SYTL5: variants seen among roughly 807,000 people sequenced by gnomAD.
SYTL5 encodes the protein synaptotagmin like 5.
Under a neutral mutation model 55.9 loss-of-function variants are expected in SYTL5, and 34 were observed. That is an observed-to-expected ratio of 0.61 (90% CI 0.46 to 0.81). The LOEUF (loss-of-function observed/expected upper bound fraction) is 0.81, where lower values mean the gene tolerates loss of function less well. SYTL5 is among the 30% of genes least tolerant of loss of function. SYTL5 has a pLI of 0.00. For missense variants in SYTL5, 637 were observed against 546.7 expected (o/e 1.17, Z -1.65); for synonymous variants, 221 against 188.7 (o/e 1.17, Z -1.40).
the SYTL5 span, among the ~76,000 whole-genome samples, chrX:37,958,854 T>C: frequency 8.9e-6 from 1 of 112,431 alleles, no homozygotes; most frequent in Non-Finnish European, 1.9e-5. Context: ...TAGCTGGTCT[T>C]AGCACGTCAA....
chrX:37,893,488 TATAG>T, the SYTL5 span, among the ~76,000 whole-genome samples: 5 of 93,910 alleles, frequency 5.3e-5, no homozygotes, highest in East Asian at 3.2e-4. Context: ...ATATATAATC[TATAG>T]ATAATCTATA....
chrX:38,075,075 C>T (rs1268977934), intron 5 of SYTL5, among the ~76,000 whole-genome samples: 2 of 111,492 alleles, frequency 1.8e-5, no homozygotes, highest in East Asian at 5.6e-4. Context: ...CCACAAATGC[C>T]TCTAGGAGTT....
intron 2 of SYTL5, among the ~76,000 whole-genome samples, chrX:38,036,238 G>A (rs144918243): frequency 0.034 from 3,819 of 111,041 alleles, 66 homozygotes; most frequent in Middle Eastern, 0.067. Context: ...CCCAGGAGGC[G>A]GAGCTTGCAG....
At position 38,074,409 on chromosome X, in the gene SYTL5, G is replaced by A. The variant is rs375213794; in HGVS notation, c.554+711G>A. Among the ~76,000 whole-genome samples, 6 of 111,407 alleles carry A rather than the reference G, an allele frequency of 5.4e-5. No homozygotes were observed. The East Asian group carries it at 1.7e-3, about 31-fold the overall frequency. On this transcript the variant is annotated intron_variant, in intron 5 of 16. Transcript: ENST00000297875. ...CTAATGTGCACCAAGTCATTTTATG[G>A]TCCTTTCTGTTTTTTTATTATTATT...
At chrX:37,965,898 T>A in the SYTL5 span, among the ~76,000 whole-genome samples, 1 of 112,645 alleles carries the variant, frequency 8.9e-6, no homozygotes, top group Admixed American at 9.4e-5. Flanking sequence ...TACTATTTTG[T>A]CTGATATAAG....
the SYTL5 span, among the ~76,000 whole-genome samples, chrX:37,891,405 T>C: frequency 1.8e-5 from 2 of 112,032 alleles, no homozygotes; most frequent in African/African-American, 6.5e-5. Context: ...ATTCGATATA[T>C]GTAAAATGTC....
intron 1 of SYTL5, among the ~76,000 whole-genome samples, chrX:38,032,585 A>ATCATGATC (rs1193961082): frequency 9.0e-6 from 1 of 111,693 alleles, no homozygotes; most frequent in Non-Finnish European, 1.9e-5. Context: ...ACCAGAGGTA[A>ATCATGATC]TCATGATCTT....
At chrX:37,919,843 A>G in the SYTL5 span, among the ~76,000 whole-genome samples, 1 of 112,341 alleles carries the variant, frequency 8.9e-6, no homozygotes, top group Non-Finnish European at 1.9e-5. Flanking sequence ...TGTTGTTGAC[A>G]CTAAAAGCAC....
the SYTL5 span, among the ~76,000 whole-genome samples, chrX:37,986,405 TAGAAC>T: frequency 9.0e-6 from 1 of 111,126 alleles, no homozygotes; most frequent in African/African-American, 3.3e-5. Flanking sequence ...TACCGGTAAT[TAGAAC>T]AGAACAGAAC....
At position 38,125,472 on chromosome X, in the gene SYTL5, C is replaced by T. The variant is rs1223658147; in HGVS notation, c.2016C>T (p.Ile672=). ...IWDKEAFSSN[I]FLGGVRLNSG... is the part of the protein sequence containing the mutation. The stretch of plus-strand genomic sequence containing the variant: ...ACAAGGAGGCCTTTTCCAGCAACAT[C>T]TTTCTGGGAGGAGTTCGTTTGAATT... The change falls in exon 16 of 17, where the codon ATC becomes ATT. Residue 672 remains isoleucine, a synonymous_variant. Coordinates refer to ENST00000297875, the MANE Select transcript of SYTL5 (RefSeq NM_138780.3). 19 of 1,211,497 alleles carry T rather than the reference C, an allele frequency of 1.6e-5. No individual in the cohort carries two copies. Among genetic ancestry groups the T allele is most frequent in the Non-Finnish European group, 2.1e-5 (19 of 895,196 alleles).
chrX:37,949,181 G>C, the SYTL5 span: 1 of 111,635 alleles, frequency 9.0e-6, no homozygotes, highest in South Asian at 3.8e-4. Context: ...CTAATAAAAG[G>C]AACAAGGTAC....
chrX:38,018,345 G>T (rs1023868362), intron 1 of SYTL5, among the ~76,000 whole-genome samples: 1 of 111,082 alleles, frequency 9.0e-6, no homozygotes, highest in African/African-American at 3.3e-5. Flanking sequence ...AATCTCACTT[G>T]CTTGCACAGC....
the SYTL5 span, among the ~76,000 whole-genome samples, chrX:37,947,928 C>T: frequency 9.0e-6 from 1 of 111,719 alleles, no homozygotes; most frequent in Non-Finnish European, 1.9e-5. Context: ...GCCTCCCCAA[C>T]TCCATTTCAT....
the SYTL5 span, among the ~76,000 whole-genome samples, chrX:37,924,489 A>C: frequency 9.0e-6 from 1 of 111,475 alleles, no homozygotes; most frequent in South Asian, 3.8e-4. Flanking sequence ...AATAGATGTA[A>C]ATACCTTAAT....
intron 3 of SYTL5, among the ~76,000 whole-genome samples, chrX:38,069,054 G>T (rs1414248682): frequency 9.0e-6 from 1 of 110,632 alleles, no homozygotes; most frequent in Non-Finnish European, 1.9e-5. Context: ...TTTCTAGCTT[G>T]CAGGCTGTAC....
the SYTL5 span, among the ~76,000 whole-genome samples, chrX:37,919,853 C>T: frequency 7.1e-5 from 8 of 111,904 alleles, no homozygotes; most frequent in Non-Finnish European, 1.3e-4. Flanking sequence ...ACTAAAAGCA[C>T]GGAAAAGAAT....
the SYTL5 span, among the ~76,000 whole-genome samples, chrX:37,950,948 C>T: frequency 9.1e-6 from 1 of 109,791 alleles, no homozygotes; most frequent in African/African-American, 3.3e-5. Context: ...TAGCAATTAC[C>T]GAAATTGACT....
the SYTL5 span, chrX:37,991,116 C>T: frequency 3.3e-6 from 4 of 1,211,491 alleles, no homozygotes; most frequent in South Asian, 5.3e-5. Flanking sequence ...GGACAACAAC[C>T]GTGAGCCCCA....
chrX:38,121,633 C>T (rs1937572127), intron 14 of SYTL5, among the ~76,000 whole-genome samples: 1 of 112,503 alleles, frequency 8.9e-6, no homozygotes, highest in Non-Finnish European at 1.9e-5. Flanking sequence ...GCCTCTAGAG[C>T]TGGCTCTGAC....
Sources: gnomAD v4.1 joint callset for allele counts (sites outside exome capture counted in the v4.1 genomes callset) on GRCh38, gnomAD v4.1.1 for gene constraint, MANE v1.5 for transcripts, NCBI Gene and HGNC (gene_info 2026-07-23, HGNC 2026-07-21) for gene names.